Variants in FOXO3B observed in about 807,000 individuals in gnomAD.
FOXO3B encodes forkhead box O3B.
FOXO3B carries 15 observed loss-of-function variants against 21.9 expected under a neutral mutation model. The observed-to-expected ratio is 0.68, with a 90% CI of 0.46 to 1.05. The LOEUF (loss-of-function observed/expected upper bound fraction) is 1.05. FOXO3B is among the 50% of genes least tolerant of loss of function. FOXO3B has a pLI of 0.00. For missense variants in FOXO3B, 293 were observed against 435.5 expected, an observed-to-expected ratio of 0.67 and a Z score of 2.91; for synonymous variants, 135 against 213.6, an observed-to-expected ratio of 0.63 and a Z score of 3.21.
chr17:18,668,566 C>A lies in FOXO3B; in HGVS notation c.*3743G>T, dbSNP rs1039508150. 1 of 152,584 alleles carries A rather than the reference C, an allele frequency of 6.6e-6. No individual in the cohort carries two copies. The highest frequency in any genetic ancestry group is 2.4e-5 in the African/African-American group (1 of 41,458). 9.5% of individuals were successfully genotyped at this position (152,584 alleles called of 1,614,324 possible). A position where few individuals can be genotyped will look rare whatever the true frequency, so the allele number is the denominator to read the frequency against. ...GCCTTTCTCACTCCCAAAGCAGCTC[C>A]CTGGGTCTGTAAAACTGCAAAGGCA... On this transcript the variant is annotated 3_prime_UTR_variant, in exon 4 of 4. Transcript: ENST00000395675.
Position 18,670,443 on chromosome 17 carries a change from G to T in FOXO3B, c.*1866C>A, listed in dbSNP as rs148491241. ...TTTTTAAATTTGCTAGGGGAAGGAC[G>T]GTTAACATTTTAACAGAAAAATACC... is the stretch of plus-strand genomic sequence containing the variant. On this transcript the variant is annotated 3_prime_UTR_variant, in exon 4 of 4. Coordinates refer to ENST00000395675, the MANE Select transcript of FOXO3B (RefSeq NM_001368135.1). Among the ~76,000 whole-genome samples the T allele has an allele frequency of 1.8e-3, 272 of 152,274 alleles. No homozygotes were observed. Among genetic ancestry groups the T allele is most frequent in the African/African-American group, 6.2e-3 (257 of 41,552 alleles).
Position 18,672,424 on chromosome 17 carries a change from C to T in FOXO3B, c.758G>A (p.Arg253His), listed in dbSNP as rs2032387796. 1.2e-6 allele frequency: 2 copies of T among 1,611,762 alleles called. No individual in the cohort carries two copies. The highest frequency in any genetic ancestry group is 2.2e-5 in the East Asian group (1 of 44,810). The change falls in exon 4 of 4, where the codon CGC (arginine) becomes CAC (histidine). Residue 253 changes from arginine to histidine, a missense_variant. Transcript: ENST00000395675. This position sits in a 1 kb window ranked among gnomAD's most constrained non-coding sequence, Gnocchi z 4.2. Reference protein sequence around the residue: ...GNLSYADLITRAIESSPDRRL... With the variant: ...GNLSYADLITHAIESSPDRRL... ...TCTGTCCGGGGAGCTCTCGATGGCG[C>T]GGGTGATCAGGTCCGCGTAGGACAG... is the stretch of plus-strand genomic sequence containing the variant.
Position 18,668,619 on chromosome 17 carries a change from T to C in FOXO3B, c.*3690A>G, listed in dbSNP as rs1016294321. 6.6e-6 allele frequency: 1 copy of C among 152,434 alleles called. No homozygotes were observed. The highest frequency in any genetic ancestry group is 1.5e-5 in the Non-Finnish European group (1 of 68,046). The allele number at this position is 152,434 out of a possible 1,614,324, so 9.4% of individuals were successfully genotyped here. A position where few individuals can be genotyped will look rare whatever the true frequency, so the allele number is the denominator to read the frequency against. ...TAGCGATTTTGTTAGTTACTTTGCATGTTTCTCTGAACTCAGGACAGAAGT... is the reference window on the plus strand; with the variant it reads ...TAGCGATTTTGTTAGTTACTTTGCACGTTTCTCTGAACTCAGGACAGAAGT... On this transcript the variant is annotated 3_prime_UTR_variant, in exon 4 of 4. Transcript: ENST00000395675.
At chr17:18,677,699 C>G in intron 3 of FOXO3B, 2 of 1,601,238 alleles carry the variant, frequency 1.2e-6, no homozygotes, top group South Asian at 1.1e-5. Context: ...CTGGCGAGCG[C>G]GATAAGAAGC....
At position 18,671,632 on chromosome 17, in the gene FOXO3B, T is replaced by A; in HGVS notation, c.*677A>T. 6.2e-7 allele frequency: 1 copy of A among 1,613,956 alleles called. No homozygotes were observed. ...AGAGATGAAGGTCCAAACACCGTGC[T>A]GTTAAAGGAGCTGGTTGGGGAGCTC... On this transcript the variant is annotated 3_prime_UTR_variant, in exon 4 of 4. Transcript: ENST00000395675.
Position 18,668,039 on chromosome 17 carries a change from A to G in FOXO3B, c.*4270T>C, listed in dbSNP as rs538637074. 5 of 152,396 alleles carry G rather than the reference A, an allele frequency of 3.3e-5. No individual in the cohort carries two copies. The highest frequency in any genetic ancestry group is 1.3e-4 in the Admixed American group (2 of 15,302). 9.4% of individuals were successfully genotyped at this position (152,396 alleles called of 1,614,324 possible). A position where few individuals can be genotyped will look rare whatever the true frequency, so the allele number is the denominator to read the frequency against. ...GGCCTGTCCTGAAAGCAGGGTCTCA[A>G]TATAAGGGGCGGAAGGCTCTGGCAG... On this transcript the variant is annotated 3_prime_UTR_variant, in exon 4 of 4. Transcript: ENST00000395675.
chr17:18,682,272 G>A lies in FOXO3B; in HGVS notation c.-264C>T, dbSNP rs538519146. On this transcript the variant is annotated 5_prime_UTR_variant, in exon 1 of 4. Coordinates refer to ENST00000395675, the MANE Select transcript of FOXO3B (RefSeq NM_001368135.1). ...GCTCGGAGTCGCGCATGAGTAAGAA[G>A]GAGCGGAGCCAGGCGTGCTGCTCTC... 3.3e-5 allele frequency: 21 copies of A among 636,950 alleles called. 3 individuals carry two copies. Among genetic ancestry groups the A allele is most frequent in the African/African-American group, 5.5e-5 (3 of 54,644 alleles). 39.5% of individuals were successfully genotyped at this position (636,950 alleles called of 1,614,324 possible).
intron 3 of FOXO3B, among the ~76,000 whole-genome samples, chr17:18,679,275 G>A (rs1376553851): frequency 6.6e-6 from 1 of 152,092 alleles, no homozygotes; most frequent in Non-Finnish European, 1.5e-5. Flanking sequence ...TAAGACAGTT[G>A]AGAAGCCAAT....
chr17:18,670,637 C>T lies in FOXO3B; in HGVS notation c.*1672G>A, dbSNP rs1260874510. Among the ~76,000 whole-genome samples, 1 of 152,214 alleles carries T rather than the reference C, an allele frequency of 6.6e-6. No individual in the cohort carries two copies. Among genetic ancestry groups the T allele is most frequent in the African/African-American group, 2.4e-5 (1 of 41,434 alleles). On this transcript the variant is annotated 3_prime_UTR_variant, in exon 4 of 4. Coordinates refer to ENST00000395675, the MANE Select transcript of FOXO3B (RefSeq NM_001368135.1). ...GGTGGTGCTGAGGGGTGCTGTCCTCCACTGGCAGGCGGCTCACCACCCTGT... is the reference window on the plus strand; with the variant it reads ...GGTGGTGCTGAGGGGTGCTGTCCTCTACTGGCAGGCGGCTCACCACCCTGT...
chr17:18,675,858 T>C (rs2032474089), intron 3 of FOXO3B, among the ~76,000 whole-genome samples: 1 of 152,126 alleles, frequency 6.6e-6, no homozygotes, highest in Non-Finnish European at 1.5e-5. Context: ...TAAAATAATC[T>C]TTCTGACACT....
intron 3 of FOXO3B, among the ~76,000 whole-genome samples, chr17:18,677,000 G>T (rs532715472): frequency 1.3e-5 from 2 of 152,214 alleles, no homozygotes; most frequent in African/African-American, 4.8e-5. Context: ...ACCACACCCA[G>T]CTGAGAATAA....
At chr17:18,677,588 A>T in intron 3 of FOXO3B, 1 of 1,603,328 alleles carries the variant, frequency 6.2e-7, no homozygotes, top group Non-Finnish European at 8.5e-7. Context: ...GCAGGGCCAA[A>T]GCCGGGCGGG....
intron 3 of FOXO3B, among the ~76,000 whole-genome samples, chr17:18,677,967 T>C (rs1419403546): frequency 8.3e-6 from 1 of 120,778 alleles, no homozygotes; most frequent in African/African-American, 3.1e-5. Flanking sequence ...GATAAAATAA[T>C]ATGTAAAAAT....
chr17:18,677,602 T>G, intron 3 of FOXO3B: 1 of 1,605,662 alleles, frequency 6.2e-7, no homozygotes, highest in Non-Finnish European at 8.5e-7. Flanking sequence ...GGGCGGGCCC[T>G]GGCCAGTGGC....
chr17:18,674,638 A>G (rs2032449052), intron 3 of FOXO3B, among the ~76,000 whole-genome samples: 2 of 132,288 alleles, frequency 1.5e-5, no homozygotes, highest in East Asian at 2.5e-4. Context: ...AAAAAAAAAA[A>G]AGGGGGGGGG....
Position 18,671,255 on chromosome 17 carries a change from C to T in FOXO3B, c.*1054G>A. The T allele has an allele frequency of 7.7e-7, 1 of 1,300,806 alleles. No homozygotes were observed. The highest frequency in any genetic ancestry group is 1.1e-6 in the Non-Finnish European group (1 of 897,496). The allele number at this position is 1,300,806 out of a possible 1,614,324, so 80.6% of individuals were successfully genotyped here. ...CAAGGCTGCTGGACTCACTCAAGCCCATGTTGCTGACAGAATTCGACAAGG... is the reference window on the plus strand; with the variant it reads ...CAAGGCTGCTGGACTCACTCAAGCCTATGTTGCTGACAGAATTCGACAAGG... On this transcript the variant is annotated 3_prime_UTR_variant, in exon 4 of 4. Coordinates refer to ENST00000395675, the MANE Select transcript of FOXO3B (RefSeq NM_001368135.1).
In FOXO3B at chr17:18,669,394, C is replaced by T. The variant is rs886981202; in HGVS notation, c.*2915G>A. ...CTGTACATAATAAAATATATTTATA[C>T]ATTTATACGCCTAATGCTTTTTATG... On this transcript the variant is annotated 3_prime_UTR_variant, in exon 4 of 4. Coordinates refer to ENST00000395675, the MANE Select transcript of FOXO3B (RefSeq NM_001368135.1). 1.3e-5 allele frequency: 2 copies of T among 149,446 alleles called. No individual in the cohort carries two copies. Among genetic ancestry groups the T allele is most frequent in the African/African-American group, 5.1e-5 (2 of 38,862 alleles). The allele number at this position is 149,446 out of a possible 1,614,324, so 9.3% of individuals were successfully genotyped here.
At position 18,671,825 on chromosome 17, in the gene FOXO3B, G is replaced by C; in HGVS notation, c.*484C>G. 6.3e-7 allele frequency: 1 copy of C among 1,582,536 alleles called. No individual in the cohort carries two copies. Among genetic ancestry groups the C allele is most frequent in the Non-Finnish European group, 8.7e-7 (1 of 1,153,072 alleles). On this transcript the variant is annotated 3_prime_UTR_variant, in exon 4 of 4. Coordinates refer to ENST00000395675, the MANE Select transcript of FOXO3B (RefSeq NM_001368135.1). ...ATGGTGCCTGCCATGTCAGTCAGCC[G>C]TAGCAGTTCCACCGTGCACGGCTTG...
rs1453279262 is a variant in FOXO3B at position 18,668,433 on chromosome 17, TA to T, written c.*3875del. ...GATAATCTGGTTCTAGGACATTCTG[TA>T]AGACATTCTGCCTGAAATTCAACAA... On this transcript the variant is annotated 3_prime_UTR_variant, in exon 4 of 4. Transcript: ENST00000395675. 8 of 152,640 alleles carry T rather than the reference TA, an allele frequency of 5.2e-5. No homozygotes were observed. The highest frequency in any genetic ancestry group is 1.9e-4 in the African/African-American group (8 of 41,452). The allele number at this position is 152,640 out of a possible 1,614,324, so 9.5% of individuals were successfully genotyped here.
Sources: allele counts gnomAD v4.1 joint callset (sites outside exome capture counted in the v4.1 genomes callset), GRCh38; gene constraint gnomAD v4.1.1; non-coding constraint Gnocchi (gnomAD v3.1); transcripts MANE v1.5; gene names NCBI Gene and HGNC (gene_info 2026-07-23, HGNC 2026-07-21).